PCDHA4: variants seen among roughly 807,000 people sequenced by gnomAD.
PCDHA4 encodes protocadherin alpha 4.
A neutral mutation model predicts 61.4 loss-of-function variants in PCDHA4; 49 were observed. That is an observed-to-expected ratio of 0.80 (90% CI 0.63 to 1.01). PCDHA4 has a LOEUF of 1.01. Ranked by LOEUF, PCDHA4 falls within the 50% of genes least tolerant of loss-of-function variation. The pLI is 0.00. For synonymous variants in PCDHA4, 590 were observed against 550.3 expected, an observed-to-expected ratio of 1.07 and a Z score of -1.01; for missense variants, 1,254 against 1,235.8, an observed-to-expected ratio of 1.01 and a Z score of -0.22.
rs2150223480 is a variant in PCDHA4 at position 140,834,653 on chromosome 5, C to A, written c.2385+25081C>A. 5.0e-6 allele frequency: 8 copies of A among 1,614,072 alleles called. No individual in the cohort carries two copies. The Admixed American group carries it at 1.3e-4, about 27-fold the overall frequency. On this transcript the variant is annotated intron_variant, in intron 1 of 3. Coordinates refer to ENST00000530339, the MANE Select transcript of PCDHA4 (RefSeq NM_018907.4). The stretch of plus-strand genomic sequence containing the variant: ...GCATTTTGTTTGTGAATTCTCGGAT[C>A]GACCGCGAGGAGCTGTGCGGGCGGA...
chr5:140,957,709 A>T (rs1321290139), intron 1 of PCDHA4, among the ~76,000 whole-genome samples: 6 of 152,264 alleles, frequency 3.9e-5, no homozygotes, highest in Admixed American at 3.3e-4. Context: ...TGTAGTTTTT[A>T]TTAAGAAAGA....
chr5:140,924,318 G>C (rs550515387), intron 1 of PCDHA4, among the ~76,000 whole-genome samples: 71 of 152,282 alleles, frequency 4.7e-4, no homozygotes, highest in African/African-American at 1.3e-3. Context: ...AATTTTATCT[G>C]AGACTTGGTG....
intron 1 of PCDHA4, chr5:140,824,139 A>G (rs1363809493): frequency 8.1e-6 from 13 of 1,612,128 alleles, no homozygotes; most frequent in Non-Finnish European, 1.0e-5. Context: ...TGAGTTTTCT[A>G]ATATTAACAT....
intron 2 of PCDHA4, among the ~76,000 whole-genome samples, chr5:140,979,725 G>A (rs2096861699): frequency 6.6e-6 from 1 of 152,136 alleles, no homozygotes; most frequent in South Asian, 2.1e-4. Context: ...CCATGCCATG[G>A]GGCCAAATAA....
At chr5:140,996,596 C>T (rs1343501273) in intron 3 of PCDHA4, among the ~76,000 whole-genome samples, 1 of 152,156 alleles carries the variant, frequency 6.6e-6, no homozygotes, top group Non-Finnish European at 1.5e-5. Flanking sequence ...CCGCCTCCCC[C>T]CATTTTCATT....
intron 1 of PCDHA4, chr5:140,850,555 C>A (rs1562471328): frequency 6.3e-7 from 1 of 1,598,250 alleles, no homozygotes; most frequent in Non-Finnish European, 8.6e-7. Flanking sequence ...GTGGGTGCCA[C>A]GGGCCCCGAG....
At chr5:140,941,214 C>CTTCCTTTCTTTCTTT (rs1554214039) in intron 1 of PCDHA4, among the ~76,000 whole-genome samples, 1 of 122,414 alleles carries the variant, frequency 8.2e-6, no homozygotes, top group Non-Finnish European at 1.7e-5. Context: ...TTTCTTTCTT[C>CTTCCTTTCTTTCTTT]CTTTCTTTCT....
intron 1 of PCDHA4, chr5:140,869,094 T>C (rs2050847018): frequency 6.3e-7 from 1 of 1,592,284 alleles, no homozygotes; most frequent in Non-Finnish European, 8.6e-7. Context: ...GGAAGCCAAT[T>C]TCGTATGCGA....
intron 1 of PCDHA4, chr5:140,966,754 G>A (rs1554228611): frequency 1.4e-6 from 2 of 1,432,146 alleles, no homozygotes; most frequent in South Asian, 3.0e-5. Context: ...TGCCTCCGCC[G>A]CGGCCAGTGG....
intron 1 of PCDHA4, chr5:140,836,463 G>T: frequency 6.2e-7 from 1 of 1,613,838 alleles, no homozygotes. Flanking sequence ...GACCGAGCTG[G>T]TGGATGTCAA....
At chr5:140,852,249 T>C (rs2042280411) in intron 1 of PCDHA4, 1 of 535,278 alleles carries the variant, frequency 1.9e-6, no homozygotes, top group Non-Finnish European at 2.5e-6. Flanking sequence ...AAACACACTT[T>C]TGGAATATGC....
At chr5:140,903,979 C>T (rs988987540) in intron 1 of PCDHA4, among the ~76,000 whole-genome samples, 3 of 152,150 alleles carry the variant, frequency 2.0e-5, no homozygotes, top group Admixed American at 2.0e-4. Flanking sequence ...GGTCTATTCA[C>T]AATGTAACAG....
chr5:140,873,534 T>C (rs1274405604), intron 1 of PCDHA4, among the ~76,000 whole-genome samples: 1 of 152,184 alleles, frequency 6.6e-6, no homozygotes, highest in Non-Finnish European at 1.5e-5. Context: ...CATTCTATGG[T>C]ATAAAATTAT....
chr5:140,875,143 G>A (rs2055292608), intron 1 of PCDHA4, among the ~76,000 whole-genome samples: 1 of 152,174 alleles, frequency 6.6e-6, no homozygotes, highest in Non-Finnish European at 1.5e-5. Context: ...ATTTATAAAT[G>A]ATCCGTGAAA....
intron 2 of PCDHA4, among the ~76,000 whole-genome samples, chr5:140,979,642 A>G (rs1364696351): frequency 2.0e-5 from 3 of 152,188 alleles, no homozygotes; most frequent in South Asian, 2.1e-4. Flanking sequence ...ATTAAATATA[A>G]TTTTGCTTTC....
chr5:140,987,266 C>T (rs2097244603), intron 3 of PCDHA4, among the ~76,000 whole-genome samples: 1 of 151,752 alleles, frequency 6.6e-6, no homozygotes, highest in African/African-American at 2.4e-5. Context: ...AGGAATGGGA[C>T]CCGGCAGTCT....
intron 1 of PCDHA4, chr5:140,835,888 G>T (rs2150247601): frequency 6.2e-7 from 1 of 1,611,944 alleles, no homozygotes; most frequent in Non-Finnish European, 8.5e-7. Flanking sequence ...GTGGGCGAGC[G>T]CGCGCTGTCG....
intron 1 of PCDHA4, among the ~76,000 whole-genome samples, chr5:140,918,586 G>A (rs2078766446): frequency 6.6e-6 from 1 of 152,188 alleles, no homozygotes; most frequent in South Asian, 2.1e-4. Context: ...TTGGCTATAT[G>A]TTCTATAGAT....
chr5:140,868,662 A>G (rs2050574102), intron 1 of PCDHA4: 1 of 163,768 alleles, frequency 6.1e-6, no homozygotes, highest in South Asian at 1.6e-4. Context: ...AGTATTTTAG[A>G]TAAGTAAAAG....
Sources: allele counts gnomAD v4.1 joint callset (sites outside exome capture counted in the v4.1 genomes callset), GRCh38; gene constraint gnomAD v4.1.1; transcripts MANE v1.5; gene names NCBI Gene and HGNC (gene_info 2026-07-23, HGNC 2026-07-21).